PSMC2: variants seen among roughly 807,000 people sequenced by gnomAD.
PSMC2 encodes 26S proteasome regulatory subunit 7.
A neutral mutation model predicts 53.3 loss-of-function variants in PSMC2; 7 were observed. The ratio of observed to expected loss-of-function variants is 0.13; its 90% confidence interval spans 0.07 to 0.25. The LOEUF is 0.25. PSMC2 is among the 10% of genes least tolerant of loss of function. The pLI is 1.00. For synonymous variants in PSMC2, 169 were observed against 183.9 expected, an observed-to-expected ratio of 0.92 and a Z score of 0.66; for missense variants, 241 against 544.0, an observed-to-expected ratio of 0.44 and a Z score of 5.54.
At chr7:103,362,794 CTTTT>C (rs368268286) in intron 6 of PSMC2, 36 bp downstream of exon 6, 4,569 of 829,538 alleles carry the variant, frequency 5.5e-3, no homozygotes, top group Middle Eastern at 8.7e-3. Context: ...AAGGCTATGT[CTTTT>C]TTTTTTTTTT....
Position 103,355,035 on chromosome 7 carries a change from A to C in PSMC2, c.190+86A>C, listed in dbSNP as rs147050518. 5.0e-4 allele frequency: 423 copies of C among 842,624 alleles called. 2 individuals carry two copies. The African/African-American group carries it at 6.7e-3, about 13-fold the overall frequency. 52.2% of individuals were successfully genotyped at this position (842,624 alleles called of 1,614,324 possible). ...GTTTAAATACAGATTTTACTCCTTC[A>C]TGATTACAGATTTAAAAAAAATCAT... On this transcript the variant is annotated intron_variant, in intron 3 of 11. Transcript: ENST00000292644.
intron 4 of PSMC2, among the ~76,000 whole-genome samples, 186 bp downstream of exon 4, chr7:103,355,979 C>T (rs1297372346): frequency 6.6e-6 from 1 of 152,066 alleles, no homozygotes; most frequent in Non-Finnish European, 1.5e-5. Context: ...TATATGAAGG[C>T]ATAATCATTT....
At chr7:103,353,621 T>C (rs536212569) in intron 1 of PSMC2, among the ~76,000 whole-genome samples, 3 of 152,358 alleles carry the variant, frequency 2.0e-5, no homozygotes, top group South Asian at 2.1e-4. Flanking sequence ...TTGTATTTCA[T>C]TGTATGACTA....
intron 4 of PSMC2, among the ~76,000 whole-genome samples, chr7:103,357,823 T>G (rs753725277): frequency 6.6e-6 from 1 of 152,222 alleles, no homozygotes; most frequent in Non-Finnish European, 1.5e-5. Flanking sequence ...ACCTCCCACT[T>G]TCTCTTGATT....
chr7:103,367,820 A>C lies in PSMC2; in HGVS notation c.1144+11A>C, dbSNP rs774782122. ...GTCCAAATAGCACTGGTAAGTAGAA[A>C]GTTCTTGCTTATATTTGCTGGTCTG... On this transcript the variant is annotated intron_variant, in intron 11 of 11. Coordinates refer to ENST00000292644, the MANE Select transcript of PSMC2 (RefSeq NM_002803.4). The surrounding 1 kb of genome is among the most constrained non-coding windows in gnomAD (Gnocchi z 6.1). The C allele has an allele frequency of 1.2e-6, 2 of 1,612,070 alleles. No homozygotes were observed. Among genetic ancestry groups the C allele is most frequent in the Admixed American group, 1.7e-5 (1 of 59,648 alleles).
chr7:103,351,393 C>T (rs1383105273), intron 1 of PSMC2, among the ~76,000 whole-genome samples: 1 of 152,184 alleles, frequency 6.6e-6, no homozygotes, highest in Admixed American at 6.5e-5. Context: ...ACTTAATTCC[C>T]CCAGCAACAG....
rs1819947311 is a variant in PSMC2 at position 103,354,929 on chromosome 7, A to G, written c.170A>G (p.Lys57Arg). Residue 57 changes from lysine to arginine, a missense_variant, in exon 3 of 12, where the codon AAG becomes AGG. Physicochemically the swap from Lys to Arg is conservative, Grantham distance 26. Around this residue, in one of 6 missense-constraint regions of PSMC2, gnomAD observed 75 missense variants for 185.1 expected, o/e 0.41. Coordinates refer to ENST00000292644, the MANE Select transcript of PSMC2 (RefSeq NM_002803.4). ...QVEDDIQQLLKKINELTGIKE... is the reference protein window; with the variant it reads ...QVEDDIQQLLRKINELTGIKE... ...GAAGATGACATTCAGCAACTTCTCA[A>G]GAAAATTAATGAGCTCACTGGTATG... 6 of 1,611,040 alleles carry G rather than the reference A, an allele frequency of 3.7e-6. No homozygotes were observed. Among genetic ancestry groups the G allele is most frequent in the Non-Finnish European group, 5.1e-6 (6 of 1,177,518 alleles).
At chr7:103,352,499 TC>T (rs1819782022) in intron 1 of PSMC2, among the ~76,000 whole-genome samples, 2 of 151,266 alleles carry the variant, frequency 1.3e-5, no homozygotes, top group Non-Finnish European at 2.9e-5. Context: ...GGCTGTCACT[TC>T]CTGGGCTCAA....
At chr7:103,355,191 G>A (rs552211552) in intron 3 of PSMC2, among the ~76,000 whole-genome samples, 2 of 152,280 alleles carry the variant, frequency 1.3e-5, no homozygotes, top group African/African-American at 4.8e-5. Context: ...TAATATTTCT[G>A]TTGGTCAAAA....
intron 9 of PSMC2, 27 bp downstream of exon 9, chr7:103,366,190 T>C (rs1820708592): frequency 6.4e-7 from 1 of 1,563,436 alleles, no homozygotes; most frequent in Admixed American, 1.7e-5. Flanking sequence ...AGAGAACTGC[T>C]TTAGGATTCA....
chr7:103,361,827 T>A, intron 4 of PSMC2, 130 bp from the exon 5 acceptor site: 1 of 868,658 alleles, frequency 1.2e-6, no homozygotes. Flanking sequence ...AAAGGATCTT[T>A]AACAGTGTCC....
In PSMC2 at chr7:103,368,078, A is replaced by C; in HGVS notation, c.*24A>C. 6.3e-7 allele frequency: 1 copy of C among 1,579,724 alleles called. No homozygotes were observed. The highest frequency in any genetic ancestry group is 8.6e-7 in the Non-Finnish European group (1 of 1,161,228). ...GAACCCTGAAGGCTTTCAAGTGAAAACTTTAAATTGGAATCCTAACCTTAT... is the reference window on the plus strand; with the variant it reads ...GAACCCTGAAGGCTTTCAAGTGAAACCTTTAAATTGGAATCCTAACCTTAT... On this transcript the variant is annotated 3_prime_UTR_variant, in exon 12 of 12. Coordinates refer to ENST00000292644, the MANE Select transcript of PSMC2 (RefSeq NM_002803.4).
intron 4 of PSMC2, among the ~76,000 whole-genome samples, chr7:103,358,179 C>T (rs972709604): frequency 2.6e-5 from 4 of 152,124 alleles, no homozygotes; most frequent in African/African-American, 4.8e-5. Context: ...TTGAAGGCGT[C>T]GTTCTGTTGT....
chr7:103,352,774 C>A, intron 1 of PSMC2: 1 of 768,882 alleles, frequency 1.3e-6, no homozygotes, highest in South Asian at 1.4e-5. Context: ...AAACAAAGTT[C>A]AGAAGTGTTA....
chr7:103,364,334 T>G (rs1181243263), intron 8 of PSMC2, 27 bp downstream of exon 8: 1 of 1,610,564 alleles, frequency 6.2e-7, no homozygotes, highest in East Asian at 2.2e-5. Context: ...AAAGAATATA[T>G]AGCCTTGTGA....
chr7:103,359,128 C>T (rs1820214402), intron 4 of PSMC2, among the ~76,000 whole-genome samples: 1 of 124,264 alleles, frequency 8.0e-6, no homozygotes, highest in Non-Finnish European at 1.7e-5. Context: ...GCATACCACC[C>T]CATGTCTGGC....
upstream of PSMC2, chr7:103,347,561 C>G: frequency 1.2e-6 from 1 of 806,076 alleles, no homozygotes; most frequent in Non-Finnish European, 2.1e-6. Flanking sequence ...AAGCGTTTCC[C>G]CAGGGCTCTG....
chr7:103,363,329 C>G lies in PSMC2; in HGVS notation c.496-15C>G, dbSNP rs74993698. ...GCCTGTGACTGTATGTTGTACATTT[C>G]TGTCCCTCTCTTAGGTGGAAGAGAA... is the stretch of plus-strand genomic sequence containing the variant. On this transcript the variant is annotated splice_polypyrimidine_tract_variant and intron_variant, in intron 6 of 11. Transcript: ENST00000292644. The G allele has an allele frequency of 0.012, 18,856 of 1,590,656 alleles. 444 individuals carry two copies. The highest frequency in any genetic ancestry group is 0.086 in the East Asian group (3,833 of 44,772).
chr7:103,362,876 C>T, intron 6 of PSMC2, 118 bp downstream of exon 6: 1 of 743,420 alleles, frequency 1.3e-6, no homozygotes, highest in South Asian at 1.8e-5. Context: ...TCACTGCAAC[C>T]TCTGCCTCCC....
Sources: gnomAD v4.1 joint callset for allele counts (sites outside exome capture counted in the v4.1 genomes callset) on GRCh38, gnomAD v4.1.1 for gene constraint, gnomAD v4.1.1 regional missense constraint, Gnocchi (gnomAD v3.1) non-coding constraint, MANE v1.5 for transcripts, NCBI Gene and HGNC (gene_info 2026-07-23, HGNC 2026-07-21) for gene names.